Variants in CDHR2 observed in about 807,000 individuals in gnomAD.
The protein encoded by CDHR2 is cadherin related family member 2, also known as cadherin-related family member 2.
CDHR2 carries 104 observed loss-of-function variants against 138.6 expected under a neutral mutation model. The observed-to-expected ratio is 0.75, with a 90% confidence interval of 0.64 to 0.88. The LOEUF is 0.88. CDHR2 is among the 40% of genes least tolerant of loss of function. The probability of loss-of-function intolerance (pLI) is 0.00; values close to 1 mark genes in which losing one functional copy is unlikely to be tolerated. For missense variants in CDHR2, 1,624 were observed against 1,727.6 expected (o/e 0.94, Z 1.06); for synonymous variants, 755 against 742.8 (o/e 1.02, Z -0.27).
At position 176,595,607 on chromosome 5, in the gene CDHR2, G is replaced by A. The variant is rs754839509; in HGVS notation, c.3868G>A (p.Gly1290Ser). ...LSVVLLGRQA[G>S]ASGQLEGPSY... ...CGTGGTCCTGTTAGGACGGCAGGCA[G>A]GCGCAAGTGGACAGCTGGAGGGGCC... The change falls in exon 32 of 32, where the codon GGC (glycine) becomes AGC (serine). Residue 1290 changes from glycine (G) to serine (S), a missense_variant. Coordinates refer to ENST00000261944, the MANE Select transcript of CDHR2 (RefSeq NM_017675.6). 6.2e-7 allele frequency: 1 copy of A among 1,612,874 alleles called. No individual in the cohort carries two copies. Among genetic ancestry groups the A allele is most frequent in the Non-Finnish European group, 8.5e-7 (1 of 1,179,334 alleles).
At chr5:176,574,494 G>A (rs971059772) in intron 7 of CDHR2, among the ~76,000 whole-genome samples, 18 of 152,150 alleles carry the variant, frequency 1.2e-4, no homozygotes, top group Admixed American at 9.8e-4. Context: ...GCCATTTACC[G>A]AGCACCAACC....
Position 176,572,105 on chromosome 5 carries a change from CG to C in CDHR2, c.405+806del, listed in dbSNP as rs372362497. On this transcript the variant is annotated intron_variant, in intron 6 of 31. Transcript: ENST00000261944. ...TGTGGTGATAAAAGTACAGGCTCGCCGGGTGCCGTGGCTCACTCCTGTAATA... is the reference window on the plus strand; with the variant it reads ...TGTGGTGATAAAAGTACAGGCTCGCCGGTGCCGTGGCTCACTCCTGTAATA... 7.3e-5 allele frequency among the ~76,000 whole-genome samples: 11 copies of C among 151,248 alleles called. No homozygotes were observed. In the East Asian group the frequency reaches 2.2e-3, roughly 30 times the overall value.
intron 16 of CDHR2, among the ~76,000 whole-genome samples, chr5:176,580,003 G>A (rs1046353537): frequency 1.3e-5 from 2 of 152,162 alleles, no homozygotes; most frequent in Admixed American, 6.5e-5. Flanking sequence ...GTGAGGGAAC[G>A]GAACCTGCAA....
In CDHR2 at chr5:176,578,115, C is replaced by T. The variant is rs771135262; in HGVS notation, c.1574+20C>T. On this transcript the variant is annotated intron_variant, in intron 15 of 31. Coordinates refer to ENST00000261944, the MANE Select transcript of CDHR2 (RefSeq NM_017675.6). ...AAATGGGTAAGGGCTCAGGGTGGGC[C>T]GTAGGCAGGTGGGTGAGCAGGGCCC... 14 of 1,604,126 alleles carry T rather than the reference C, an allele frequency of 8.7e-6. No individual in the cohort carries two copies. Among genetic ancestry groups the T allele is most frequent in the African/African-American group, 6.7e-5 (5 of 74,690 alleles).
In CDHR2 at chr5:176,581,589, C is replaced by A. The variant is rs200902177; in HGVS notation, c.2058+7C>A. ...TGTCACCATCACTGTGGAGGTAAGG[C>A]CTCGCTTAGCCAGGATGGGCCTGGG... On this transcript the variant is annotated splice_region_variant and intron_variant, in intron 17 of 31. Coordinates refer to ENST00000261944, the MANE Select transcript of CDHR2 (RefSeq NM_017675.6). The A allele has an allele frequency of 2.5e-6, 4 of 1,611,546 alleles. No individual in the cohort carries two copies. In the Admixed American group the frequency reaches 6.7e-5, roughly 27 times the overall value.
intron 1 of CDHR2, among the ~76,000 whole-genome samples, chr5:176,557,682 TTTTTTTTC>T (rs1175737936): frequency 4.0e-5 from 2 of 50,578 alleles, no homozygotes; most frequent in Non-Finnish European, 1.1e-4. Context: ...ATCTGTTGAT[TTTTTTTTC>T]TTTCTTTCTT....
At chr5:176,579,145 G>T (rs185276196) in intron 16 of CDHR2, among the ~76,000 whole-genome samples, 2 of 152,182 alleles carry the variant, frequency 1.3e-5, no homozygotes, top group East Asian at 3.9e-4. Flanking sequence ...GAGAAACACC[G>T]GGGAGTAGCT....
intron 1 of CDHR2, among the ~76,000 whole-genome samples, chr5:176,556,336 T>G (rs1429416333): frequency 6.6e-6 from 1 of 152,278 alleles, no homozygotes; most frequent in East Asian, 1.9e-4. Context: ...GCCATTGCAC[T>G]CCAGAATGGG....
chr5:176,583,649 C>G (rs1327337806), intron 17 of CDHR2, among the ~76,000 whole-genome samples: 9 of 152,084 alleles, frequency 5.9e-5, no homozygotes, highest in Admixed American at 5.9e-4. Flanking sequence ...CAGCTGGTGT[C>G]TGAGGCAGGA....
At chr5:176,567,172 C>CTTTTT in intron 3 of CDHR2, 2 of 295,156 alleles carry the variant, frequency 6.8e-6, no homozygotes, top group Non-Finnish European at 1.3e-5. Flanking sequence ...GTGCACAGGA[C>CTTTTT]TTTTTTTTTT....
intron 20 of CDHR2, 45 bp from the exon 21 acceptor site, chr5:176,586,748 G>A (rs759957680): frequency 1.4e-5 from 22 of 1,557,104 alleles, no homozygotes; most frequent in Non-Finnish European, 1.9e-5. Flanking sequence ...GTCCAGGTGG[G>A]CAGTGTCCCG....
At chr5:176,547,942 CCTT>C (rs752834051), upstream of CDHR2, among the ~76,000 whole-genome samples, 2 of 152,160 alleles carry the variant, frequency 1.3e-5, no homozygotes, top group African/African-American at 2.4e-5. Context: ...AACGGGGACA[CCTT>C]CTGGGAAATG....
rs1391110383 is a variant in CDHR2 at position 176,543,334 on chromosome 5, G to A, written c.-16+565G>A. Among the ~76,000 whole-genome samples, 1 of 147,844 alleles carries A rather than the reference G, an allele frequency of 6.8e-6. No individual in the cohort carries two copies. Among genetic ancestry groups the A allele is most frequent in the Non-Finnish European group, 1.5e-5 (1 of 66,344 alleles). On this transcript the variant is annotated intron_variant, in intron 1 of 31. Coordinates refer to the CDHR2 transcript ENST00000510636. The surrounding 1 kb of genome is among the most constrained non-coding windows in gnomAD (Gnocchi z 4.0). ...TCCCGCTGCAGCCCAGGCTCGCGGTGCGGCTGCGGCCCGCGCGCCGCCTGC... is the reference window on the plus strand; with the variant it reads ...TCCCGCTGCAGCCCAGGCTCGCGGTACGGCTGCGGCCCGCGCGCCGCCTGC...
At position 176,575,311 on chromosome 5, in the gene CDHR2, C is replaced by G; in HGVS notation, c.653C>G (p.Thr218Ser). ...DLGGMYHNTF[T>S]IQCSLPVFLS... ...GGCGGCATGTACCACAACACCTTCA[C>G]CATCCAGTGCTCCCTGCCTGTCTTC... Residue 218 changes from threonine (T) to serine (S), a missense_variant, in exon 9 of 32, where the codon ACC (threonine) becomes AGC (serine). Thr to Ser is a moderately conservative substitution (Grantham distance 58). Around this residue, in one of 3 missense-constraint regions of CDHR2, gnomAD observed 1,061 missense variants for 1,136.6 expected, o/e 0.93. Transcript: ENST00000261944. 2.5e-6 allele frequency: 4 copies of G among 1,614,266 alleles called. No individual in the cohort carries two copies. The highest frequency in any genetic ancestry group is 3.4e-6 in the Non-Finnish European group (4 of 1,180,052).
intron 31 of CDHR2, 135 bp from the exon 32 acceptor site, chr5:176,595,397 C>G: frequency 1.0e-6 from 1 of 956,982 alleles, no homozygotes; most frequent in Non-Finnish European, 1.5e-6. Context: ...GGACCAGAGG[C>G]CCCAGGAGGG....
chr5:176,592,734 T>C lies in CDHR2; in HGVS notation c.3746T>C (p.Leu1249Pro). 1 of 1,613,826 alleles carries C rather than the reference T, an allele frequency of 6.2e-7. No homozygotes were observed. The highest frequency in any genetic ancestry group is 2.2e-5 in the East Asian group (1 of 44,886). The change falls in exon 31 of 32, where the codon CTG becomes CCG. Residue 1249 changes from leucine (L) to proline (P), a missense_variant. Physicochemically the swap from Leu to Pro is moderately conservative, Grantham distance 98. Transcript: ENST00000261944. ...NDLDSVSVNS[L>P]DDNSVDVDKN... ...CACCTCTCTTACAGCGTCAACTCCCTGGACGACAACTCTGTGGATGTGGAC... is the reference window on the plus strand; with the variant it reads ...CACCTCTCTTACAGCGTCAACTCCCCGGACGACAACTCTGTGGATGTGGAC...
Position 176,584,223 on chromosome 5 carries a change from T to A in CDHR2, c.2092T>A (p.Ser698Thr). The A allele has an allele frequency of 6.2e-7, 1 of 1,614,096 alleles. No individual in the cohort carries two copies. Residue 698 changes from serine (S) to threonine (T), a missense_variant, in exon 18 of 32, where the codon TCC becomes ACC. Physicochemically the swap from Ser to Thr is moderately conservative, Grantham distance 58. Transcript: ENST00000261944. ...TGATAACCTGCCCATCTTCAATCAG[T>A]CCAGCTACAACTTTACGGTGAAGGA... ...INDNLPIFNQ[S>T]SYNFTVKEED...
chr5:176,571,195 G>C lies in CDHR2; in HGVS notation c.316-18G>C. 6.3e-7 allele frequency: 1 copy of C among 1,585,488 alleles called. No homozygotes were observed. The highest frequency in any genetic ancestry group is 1.7e-4 in the Middle Eastern group (1 of 5,914). On this transcript the variant is annotated intron_variant, in intron 5 of 31. Coordinates refer to ENST00000261944, the MANE Select transcript of CDHR2 (RefSeq NM_017675.6). ...TAAATCCTATTTTCTGGGGTCCCCT[G>C]GGCTTTCTCACTTGCAGGTGCAGAG...
rs1757495735 is a variant in CDHR2, at chr5:176,543,177, C to G, written c.-16+408C>G. ...GGAAGACCCCGCGTGCGTTCCTCCG[C>G]CGGCCCGCGGCCGCCCCCTACCGCC... On this transcript the variant is annotated intron_variant, in intron 1 of 31. Coordinates refer to the CDHR2 transcript ENST00000510636. This position sits in a 1 kb window ranked among gnomAD's most constrained non-coding sequence, Gnocchi z 4.0. 6.7e-6 allele frequency among the ~76,000 whole-genome samples: 1 copy of G among 149,842 alleles called. No individual in the cohort carries two copies. The highest frequency in any genetic ancestry group is 1.5e-5 in the Non-Finnish European group (1 of 67,230).
Sources: gnomAD v4.1 joint callset for allele counts (sites outside exome capture counted in the v4.1 genomes callset) on GRCh38, gnomAD v4.1.1 for gene constraint, gnomAD v4.1.1 regional missense constraint, Gnocchi (gnomAD v3.1) non-coding constraint, MANE v1.5 for transcripts, NCBI Gene and HGNC (gene_info 2026-07-23, HGNC 2026-07-21) for gene names.